GMDS: variants seen among roughly 807,000 people sequenced by gnomAD.
The protein encoded by GMDS is GDP-mannose 4,6 dehydratase.
A neutral mutation model predicts 49.9 loss-of-function variants in GMDS; 20 were observed. That is an observed-to-expected ratio of 0.40 (90% CI 0.28 to 0.58). The LOEUF (loss-of-function observed/expected upper bound fraction) is 0.58, where lower values mean the gene tolerates loss of function less well. Among genes scored for constraint, GMDS ranks in the 20% least tolerant of loss-of-function variants. GMDS has a pLI of 0.42. For synonymous variants in GMDS, 177 were observed against 178.6 expected, an observed-to-expected ratio of 0.99 and a Z score of 0.07; for missense variants, 362 against 481.4, an observed-to-expected ratio of 0.75 and a Z score of 2.32.
intron 4 of GMDS, among the ~76,000 whole-genome samples, chr6:2,082,140 C>T (rs1276067209): frequency 6.6e-6 from 1 of 152,184 alleles, no homozygotes; most frequent in Non-Finnish European, 1.5e-5. Flanking sequence ...AGATAAAAGA[C>T]ACATGATACG....
At chr6:2,242,069 C>G (rs1374013191) in intron 1 of GMDS, among the ~76,000 whole-genome samples, 5 of 152,162 alleles carry the variant, frequency 3.3e-5, no homozygotes, top group African/African-American at 1.2e-4. Context: ...TATGAAATTA[C>G]TTATACAATC....
rs200056006 is a variant in GMDS at position 1,960,934 on chromosome 6, G to A, written c.378C>T (p.Asp126=). 26 of 1,586,696 alleles carry A rather than the reference G, an allele frequency of 1.6e-5. No homozygotes were observed. The Admixed American group carries it at 2.2e-4, about 13-fold the overall frequency. ...GTCGTAGAGTGCCAACTCCGTCAAC[G>A]TCCGCAGTGTACTCAGCGAGGTCAA... The part of the protein sequence containing the change: ...ISFDLAEYTA[D]VDGVGTLRLL... Residue 126 remains aspartate, a synonymous_variant, in exon 5 of 11, where the codon GAC becomes GAT. Transcript: ENST00000380815.
chr6:2,068,380 A>T (rs1205993487), intron 4 of GMDS, among the ~76,000 whole-genome samples: 4 of 151,222 alleles, frequency 2.6e-5, no homozygotes, highest in Non-Finnish European at 4.4e-5. Flanking sequence ...CTCTCTCACC[A>T]CTCCTATTCA....
At chr6:1,798,727 A>G (rs918769773) in intron 7 of GMDS, among the ~76,000 whole-genome samples, 9 of 152,202 alleles carry the variant, frequency 5.9e-5, no homozygotes, top group Non-Finnish European at 1.2e-4. Context: ...CGAGCACTGT[A>G]AAGTTCTGTT....
chr6:1,713,195 G>C (rs1462542076), intron 9 of GMDS, among the ~76,000 whole-genome samples: 2 of 152,232 alleles, frequency 1.3e-5, no homozygotes, highest in Non-Finnish European at 2.9e-5. Flanking sequence ...GTGGGCGCTA[G>C]CCTTTTCATA....
intron 1 of GMDS, among the ~76,000 whole-genome samples, chr6:2,233,697 G>A (rs1283767666): frequency 6.6e-6 from 1 of 152,148 alleles, no homozygotes; most frequent in Admixed American, 6.5e-5. Context: ...GCAGGCACCT[G>A]TAGTCCCAGC....
At chr6:2,073,829 T>C (rs897991371) in intron 4 of GMDS, among the ~76,000 whole-genome samples, 1 of 152,222 alleles carries the variant, frequency 6.6e-6, no homozygotes, top group South Asian at 2.1e-4. Flanking sequence ...GCAAATAATA[T>C]GATTTCATTC....
chr6:1,894,231 C>T (rs1760034293), intron 7 of GMDS, among the ~76,000 whole-genome samples: 1 of 152,140 alleles, frequency 6.6e-6, no homozygotes, highest in Non-Finnish European at 1.5e-5. Context: ...TAATATTTTA[C>T]TCACACTTCT....
intron 7 of GMDS, among the ~76,000 whole-genome samples, chr6:1,773,624 G>A (rs1561795054): frequency 6.6e-6 from 1 of 152,248 alleles, no homozygotes; most frequent in Non-Finnish European, 1.5e-5. Context: ...GGCCTGTGCT[G>A]AGCAGCATCG....
At chr6:1,697,394 G>T (rs1002402323) in intron 9 of GMDS, among the ~76,000 whole-genome samples, 1 of 152,218 alleles carries the variant, frequency 6.6e-6, no homozygotes, top group Non-Finnish European at 1.5e-5. Flanking sequence ...CTCATTTTCA[G>T]CAAGAATAAT....
In GMDS at chr6:1,888,071, A is replaced by G. The variant is rs186960949; in HGVS notation, c.771+42032T>C. On this transcript the variant is annotated intron_variant, in intron 7 of 10. Coordinates refer to ENST00000380815, the MANE Select transcript of GMDS (RefSeq NM_001500.4). Reference sequence around the variant, plus strand: ...TAAAATGATCCTCCCACCTCAGCCCACCAAGTACCTGAGACTACAGGGATG... The same window carrying G: ...TAAAATGATCCTCCCACCTCAGCCCGCCAAGTACCTGAGACTACAGGGATG... 3.4e-3 allele frequency among the ~76,000 whole-genome samples: 519 copies of G among 151,780 alleles called. 3 individuals carry two copies. The highest frequency in any genetic ancestry group is 0.012 in the African/African-American group (482 of 41,406).
chr6:2,005,671 C>T (rs1002026607), intron 4 of GMDS, among the ~76,000 whole-genome samples: 23 of 152,146 alleles, frequency 1.5e-4, no homozygotes, highest in African/African-American at 5.1e-4. Context: ...CACTTCTACA[C>T]CCAGTGTGTT....
At chr6:2,122,496 T>C (rs1046957622) in intron 2 of GMDS, among the ~76,000 whole-genome samples, 1 of 152,168 alleles carries the variant, frequency 6.6e-6, no homozygotes, top group African/African-American at 2.4e-5. Flanking sequence ...TCCTATTCTT[T>C]TACTCATGGC....
chr6:1,682,331 C>T (rs1478739706), intron 9 of GMDS, among the ~76,000 whole-genome samples: 1 of 152,224 alleles, frequency 6.6e-6, no homozygotes, highest in Non-Finnish European at 1.5e-5. Flanking sequence ...TGTCTGAGCC[C>T]AAACGAGCTC....
At chr6:1,891,837 G>C (rs1266952194) in intron 7 of GMDS, among the ~76,000 whole-genome samples, 1 of 152,180 alleles carries the variant, frequency 6.6e-6, no homozygotes, top group Non-Finnish European at 1.5e-5. Context: ...CACTGAGCTA[G>C]AAGACAGATG....
rs567130052 is a variant in GMDS, at chr6:2,070,826, A to T, written c.345+44945T>A. Among the ~76,000 whole-genome samples, 6 of 152,290 alleles carry T rather than the reference A, an allele frequency of 3.9e-5. No individual in the cohort carries two copies. In the South Asian group the frequency reaches 1.2e-3, roughly 32 times the overall value. ...CAGTTCTTCCAATTCCTGAACACAG[A>T]TATGTCCAAAGGATTCCCATCAGAG... On this transcript the variant is annotated intron_variant, in intron 4 of 10. Transcript: ENST00000380815.
chr6:1,637,608 C>T (rs1408512541), intron 9 of GMDS, among the ~76,000 whole-genome samples: 1 of 152,204 alleles, frequency 6.6e-6, no homozygotes, highest in Non-Finnish European at 1.5e-5. Context: ...CAAGGGGAAG[C>T]ACGTTCCGCA....
chr6:2,174,147 G>C (rs1158504535), intron 1 of GMDS, among the ~76,000 whole-genome samples: 4 of 152,198 alleles, frequency 2.6e-5, no homozygotes, highest in Admixed American at 2.6e-4. Context: ...AGCATCTTCT[G>C]TGTGCAAGGT....
At chr6:2,212,732 A>G (rs926478239) in intron 1 of GMDS, among the ~76,000 whole-genome samples, 4 of 150,256 alleles carry the variant, frequency 2.7e-5, no homozygotes, top group Non-Finnish European at 4.4e-5. Flanking sequence ...AAAAAAAACT[A>G]AATTAGAAAC....
Sources: gnomAD v4.1 joint callset for allele counts (sites outside exome capture counted in the v4.1 genomes callset) on GRCh38, gnomAD v4.1.1 for gene constraint, MANE v1.5 for transcripts, NCBI Gene and HGNC (gene_info 2026-07-23, HGNC 2026-07-21) for gene names.